The following BBS9 variants were observed in gnomAD, a reference collection of about 807,000 sequenced individuals.
BBS9 encodes the protein Bardet-Biedl syndrome 9.
BBS9 carries 89 observed loss-of-function variants against 117.7 expected under a neutral mutation model. The ratio of observed to expected loss-of-function variants is 0.76; its 90% CI spans 0.64 to 0.90. The LOEUF is 0.90. Among genes scored for constraint, BBS9 ranks in the 40% least tolerant of loss-of-function variants. The probability of loss-of-function intolerance (pLI) is 0.00; values close to 1 mark genes in which losing one functional copy is unlikely to be tolerated. For synonymous variants in BBS9, 379 were observed against 370.9 expected, an observed-to-expected ratio of 1.02 and a Z score of -0.25; for missense variants, 982 against 1,042.2, an observed-to-expected ratio of 0.94 and a Z score of 0.80.
chr7:33,160,738 A>C (rs1015733534), intron 4 of BBS9, among the ~76,000 whole-genome samples: 2 of 152,166 alleles, frequency 1.3e-5, no homozygotes, highest in Non-Finnish European at 2.9e-5. Context: ...CAAGGTCCCA[A>C]AGTGTTGCTG....
chr7:33,401,128 C>T (rs947468268), intron 19 of BBS9, among the ~76,000 whole-genome samples: 7 of 152,178 alleles, frequency 4.6e-5, no homozygotes. Context: ...GATTTCCCCA[C>T]TTTACTCCAC....
intron 9 of BBS9, among the ~76,000 whole-genome samples, chr7:33,320,941 C>T (rs1418045299): frequency 6.6e-6 from 1 of 152,044 alleles, no homozygotes; most frequent in African/African-American, 2.4e-5. Context: ...CATTCTTGTA[C>T]ATATAGATAT....
At chr7:33,182,844 G>A (rs75099801) in intron 5 of BBS9, among the ~76,000 whole-genome samples, 2,330 of 152,190 alleles carry the variant, frequency 0.015, 57 homozygotes, top group African/African-American at 0.054. Context: ...TAGGTGGAAG[G>A]CGAAACAGAT....
intron 21 of BBS9, among the ~76,000 whole-genome samples, chr7:33,584,543 A>AT (rs905121478): frequency 1.5e-4 from 23 of 150,972 alleles, no homozygotes; most frequent in South Asian, 4.2e-4. Context: ...TGGAATCTCT[A>AT]TTTTTTTTTG....
Position 33,405,629 on chromosome 7 carries a change from C to T in BBS9, c.2115+17485C>T, listed in dbSNP as rs547220127. ...TCTTCTAGATTTTCTAGTTTATTTG[C>T]GTAGAGGTGTTTGTAGTATTCTCTG... On this transcript the variant is annotated intron_variant, in intron 19 of 22. Transcript: ENST00000242067. Among the ~76,000 whole-genome samples the T allele has an allele frequency of 2.9e-4, 44 of 152,226 alleles. No individual in the cohort carries two copies. In the East Asian group the frequency reaches 6.0e-3, roughly 21 times the overall value.
intron 4 of BBS9, among the ~76,000 whole-genome samples, chr7:33,171,450 A>C (rs911134292): frequency 1.3e-5 from 2 of 152,256 alleles, no homozygotes; most frequent in African/African-American, 4.8e-5. Context: ...CTATGTATAC[A>C]AAATTGTTTC....
intron 21 of BBS9, among the ~76,000 whole-genome samples, chr7:33,556,945 A>C (rs1354938908): frequency 6.6e-6 from 1 of 152,188 alleles, no homozygotes; most frequent in African/African-American, 2.4e-5. Flanking sequence ...TGGGACTGGG[A>C]GTTGAAATGT....
chr7:33,155,245 C>T (rs573288435), intron 3 of BBS9, among the ~76,000 whole-genome samples: 1 of 152,076 alleles, frequency 6.6e-6, no homozygotes, highest in Non-Finnish European at 1.5e-5. Context: ...TTTCATTGAA[C>T]CTCTTATTTT....
intron 9 of BBS9, among the ~76,000 whole-genome samples, chr7:33,289,017 A>C (rs1404717357): frequency 1.3e-5 from 2 of 152,226 alleles, no homozygotes; most frequent in Non-Finnish European, 2.9e-5. Context: ...GTCCATTCAG[A>C]GTATTTATCC....
At chr7:33,274,811 A>T (rs111458829) in intron 9 of BBS9, among the ~76,000 whole-genome samples, 17,144 of 152,000 alleles carry the variant, frequency 0.11, 1,142 homozygotes, top group African/African-American at 0.18. Flanking sequence ...CCTGGCCAAC[A>T]TGGTGAAACC....
intron 4 of BBS9, chr7:33,157,741 G>C (rs918033237): frequency 1.6e-4 from 25 of 152,134 alleles, no homozygotes; most frequent in African/African-American, 5.8e-4. Flanking sequence ...TTTCAAACTA[G>C]AGGAGCCTTT....
rs552493042 is a variant in BBS9, at chr7:33,592,290, T to G, written c.2522-12575T>G. Among the ~76,000 whole-genome samples, 299 of 152,182 alleles carry G rather than the reference T, an allele frequency of 2.0e-3. 1 individual carries two copies. The highest frequency in any genetic ancestry group is 3.3e-3 in the Non-Finnish European group (223 of 67,992). ...TGTGATGAGCCCCATTACAAGCATC[T>G]AATTTAATCCTAATCTCTCAGAAAG... On this transcript the variant is annotated intron_variant, in intron 21 of 22. Coordinates refer to ENST00000242067, the MANE Select transcript of BBS9 (RefSeq NM_198428.3).
chr7:33,451,563 T>C (rs966125160), intron 19 of BBS9, among the ~76,000 whole-genome samples: 3 of 152,206 alleles, frequency 2.0e-5, no homozygotes, highest in African/African-American at 7.2e-5. Flanking sequence ...CATATCTGTC[T>C]TTATGCCAGT....
chr7:33,179,580 GATGGGACCATCTAGTTGC>G (rs757733580), intron 5 of BBS9, among the ~76,000 whole-genome samples: 105 of 152,064 alleles, frequency 6.9e-4, no homozygotes, highest in Admixed American at 1.6e-3. Flanking sequence ...ATCATGCCAA[GATGGGACCATCTAGTTGC>G]AGGAAAACAA....
At chr7:33,254,534 A>G (rs1346139557) in intron 5 of BBS9, among the ~76,000 whole-genome samples, 1 of 152,170 alleles carries the variant, frequency 6.6e-6, no homozygotes, top group African/African-American at 2.4e-5. Flanking sequence ...GAGAACAAAG[A>G]TCTATTCTCT....
chr7:33,622,226 AT>A (rs1208839019), intron 21 of BBS9, among the ~76,000 whole-genome samples: 3 of 152,110 alleles, frequency 2.0e-5, no homozygotes, highest in South Asian at 2.1e-4. Flanking sequence ...AACAAAAAAA[AT>A]AAATAAAAAA....
At chr7:33,478,623 C>T (rs954693233) in intron 19 of BBS9, among the ~76,000 whole-genome samples, 1 of 151,852 alleles carries the variant, frequency 6.6e-6, no homozygotes, top group Non-Finnish European at 1.5e-5. Flanking sequence ...GAGCTTTGCT[C>T]TAGTCAAAAC....
chr7:33,142,257 C>T (rs1237521368), intron 1 of BBS9, among the ~76,000 whole-genome samples: 1 of 151,832 alleles, frequency 6.6e-6, no homozygotes, highest in Admixed American at 6.6e-5. Flanking sequence ...TGTAGATGTA[C>T]CATAGTGTGT....
intron 20 of BBS9, among the ~76,000 whole-genome samples, chr7:33,527,144 T>A (rs532174626): frequency 5.9e-5 from 9 of 152,132 alleles, no homozygotes; most frequent in African/African-American, 2.2e-4. Context: ...ACCGCTGCTC[T>A]CTTCAAAGCT....
Sources: gnomAD v4.1 joint callset for allele counts (sites outside exome capture counted in the v4.1 genomes callset) on GRCh38, gnomAD v4.1.1 for gene constraint, MANE v1.5 for transcripts, NCBI Gene and HGNC (gene_info 2026-07-23, HGNC 2026-07-21) for gene names.